Variants in LTBP1 observed in about 807,000 individuals in gnomAD.
LTBP1 encodes the protein latent transforming growth factor beta binding protein 1, also known as latent-transforming growth factor beta-binding protein 1.
Under a neutral mutation model 207.6 loss-of-function variants are expected in LTBP1, and 129 were observed. The ratio of observed to expected loss-of-function variants is 0.62; its 90% CI spans 0.54 to 0.72. The LOEUF (loss-of-function observed/expected upper bound fraction) is 0.72. Ranked by LOEUF, LTBP1 falls within the 30% of genes least tolerant of loss-of-function variation. The probability of loss-of-function intolerance (pLI) is 0.00; values close to 1 mark genes in which losing one functional copy is unlikely to be tolerated. For synonymous variants in LTBP1, 963 were observed against 833.7 expected, an observed-to-expected ratio of 1.16 and a Z score of -2.67; for missense variants, 2,281 against 2,217.2, an observed-to-expected ratio of 1.03 and a Z score of -0.58.
intron 5 of LTBP1, among the ~76,000 whole-genome samples, chr2:33,159,067 G>T (rs578095373): frequency 8.7e-4 from 132 of 152,266 alleles, no homozygotes; most frequent in African/African-American, 3.1e-3. Flanking sequence ...GAATGCAGGG[G>T]GCCTAGGGTC....
At chr2:33,320,139 C>T (rs1387342237) in intron 24 of LTBP1, among the ~76,000 whole-genome samples, 11 of 152,090 alleles carry the variant, frequency 7.2e-5, no homozygotes, top group African/African-American at 2.7e-4. Context: ...GAGGCTGAGG[C>T]GGGTGGATCA....
intron 7 of LTBP1, among the ~76,000 whole-genome samples, chr2:33,207,842 C>G (rs1468556885): frequency 1.3e-5 from 2 of 152,114 alleles, no homozygotes; most frequent in Non-Finnish European, 2.9e-5. Flanking sequence ...TAATTTGGAG[C>G]CATAGTTGAT....
At chr2:32,971,205 G>C (rs530872275) in intron 2 of LTBP1, among the ~76,000 whole-genome samples, 1 of 151,982 alleles carries the variant, frequency 6.6e-6, no homozygotes, top group Admixed American at 6.6e-5. Flanking sequence ...GAAACTTTGG[G>C]GTTTTCTAGA....
At chr2:33,294,372 T>A (rs1477659771) in intron 20 of LTBP1, among the ~76,000 whole-genome samples, 3 of 151,616 alleles carry the variant, frequency 2.0e-5, no homozygotes, top group Non-Finnish European at 4.4e-5. Flanking sequence ...AATTTTTATA[T>A]TTTTAGTAGA....
At chr2:33,338,195 A>G (rs1447961125) in intron 24 of LTBP1, among the ~76,000 whole-genome samples, 2 of 152,098 alleles carry the variant, frequency 1.3e-5, no homozygotes, top group Admixed American at 1.3e-4. Flanking sequence ...ATTTTTTCCT[A>G]TTCATTCAAA....
intron 7 of LTBP1, among the ~76,000 whole-genome samples, chr2:33,215,723 G>T (rs6757777): frequency 0.51 from 69,461 of 136,706 alleles, 17,817 homozygotes; most frequent in Middle Eastern, 0.6. Flanking sequence ...TTTGTTTTTT[G>T]TTTTTTTTTT....
intron 24 of LTBP1, among the ~76,000 whole-genome samples, chr2:33,327,227 A>C (rs966756831): frequency 1.3e-5 from 2 of 152,134 alleles, no homozygotes; most frequent in African/African-American, 4.8e-5. Flanking sequence ...TTTACAGTAA[A>C]CTATGACCTA....
At chr2:32,956,745 C>T (rs1678135617) in intron 2 of LTBP1, among the ~76,000 whole-genome samples, 1 of 152,136 alleles carries the variant, frequency 6.6e-6, no homozygotes. Context: ...TTTACTTTGC[C>T]CAAATCCATC....
At chr2:33,275,305 T>A (rs985117619) in intron 17 of LTBP1, among the ~76,000 whole-genome samples, 1 of 152,144 alleles carries the variant, frequency 6.6e-6, no homozygotes, top group Non-Finnish European at 1.5e-5. Context: ...ATAGACAAGA[T>A]ACATTAAATG....
intron 21 of LTBP1, among the ~76,000 whole-genome samples, chr2:33,300,912 A>G (rs1034930209): frequency 1.3e-5 from 2 of 152,212 alleles, no homozygotes; most frequent in Non-Finnish European, 2.9e-5. Context: ...CAGCAATTAG[A>G]AAGTCATTAT....
At chr2:33,169,479 G>C (rs2085230677) in intron 5 of LTBP1, among the ~76,000 whole-genome samples, 1 of 152,000 alleles carries the variant, frequency 6.6e-6, no homozygotes, top group Non-Finnish European at 1.5e-5. Context: ...TAATACAGTG[G>C]GTAAAAGCTC....
At chr2:33,042,331 C>T (rs2076229828) in intron 3 of LTBP1, among the ~76,000 whole-genome samples, 1 of 152,042 alleles carries the variant, frequency 6.6e-6, no homozygotes, top group Non-Finnish European at 1.5e-5. Context: ...GGAGTGGTTG[C>T]CAGGGAAAAC....
intron 19 of LTBP1, among the ~76,000 whole-genome samples, chr2:33,284,979 A>G (rs1436118206): frequency 6.6e-6 from 1 of 151,992 alleles, no homozygotes; most frequent in Non-Finnish European, 1.5e-5. Context: ...CTTGTCCTCA[A>G]ACATAAGAGA....
At chr2:33,010,726 T>C (rs1687568614) in intron 2 of LTBP1, among the ~76,000 whole-genome samples, 1 of 151,094 alleles carries the variant, frequency 6.6e-6, no homozygotes, top group Admixed American at 6.6e-5. Flanking sequence ...TAATCCTTTT[T>C]TTTTTTTTTT....
At chr2:33,334,049 C>T (rs1465015585) in intron 24 of LTBP1, among the ~76,000 whole-genome samples, 1 of 152,144 alleles carries the variant, frequency 6.6e-6, no homozygotes, top group African/African-American at 2.4e-5. Flanking sequence ...CAACTGAGAG[C>T]TCTACTAAGA....
At chr2:33,033,009 T>A (rs1359608681) in intron 3 of LTBP1, among the ~76,000 whole-genome samples, 4 of 152,204 alleles carry the variant, frequency 2.6e-5, no homozygotes, top group Non-Finnish European at 5.9e-5. Flanking sequence ...TAATTTAGGA[T>A]GTTCATGAAA....
chr2:33,366,781 C>A (rs371142074), intron 31 of LTBP1, among the ~76,000 whole-genome samples: 3 of 152,142 alleles, frequency 2.0e-5, no homozygotes, highest in Non-Finnish European at 2.9e-5. Flanking sequence ...CTGGTTGTTT[C>A]GGGCCCTGGA....
At chr2:32,996,879 CT>C (rs1460086450) in intron 2 of LTBP1, among the ~76,000 whole-genome samples, 1 of 151,862 alleles carries the variant, frequency 6.6e-6, no homozygotes, top group East Asian at 1.9e-4. Flanking sequence ...ATGGGTGGAA[CT>C]TTTTTTTGTT....
chr2:33,168,927 G>A (rs548123677), intron 5 of LTBP1, among the ~76,000 whole-genome samples: 2 of 152,186 alleles, frequency 1.3e-5, no homozygotes, highest in African/African-American at 4.8e-5. Flanking sequence ...AGGACTAAAA[G>A]GGATCCGTGC....
Sources: gnomAD v4.1 joint callset for allele counts (sites outside exome capture counted in the v4.1 genomes callset) on GRCh38, gnomAD v4.1.1 for gene constraint, MANE v1.5 for transcripts, NCBI Gene and HGNC (gene_info 2026-07-23, HGNC 2026-07-21) for gene names.